UBE3D: variants seen among roughly 807,000 people sequenced by gnomAD.
The protein encoded by UBE3D is E3 ubiquitin-protein ligase E3D.
A neutral mutation model predicts 49.6 loss-of-function variants in UBE3D; 48 were observed. That is an observed-to-expected ratio of 0.97 (90% CI 0.77 to 1.23). The LOEUF is 1.23. Ranked by LOEUF, UBE3D falls within the 50% of genes most tolerant of loss-of-function variation. The pLI is 0.00. For synonymous variants in UBE3D, 189 were observed against 174.2 expected, an observed-to-expected ratio of 1.08 and a Z score of -0.67; for missense variants, 452 against 468.4, an observed-to-expected ratio of 0.96 and a Z score of 0.32.
chr6:82,971,053 T>C lies in UBE3D; in HGVS notation c.1011-13603A>G, dbSNP rs1777317663. On this transcript the variant is annotated intron_variant, in intron 8 of 9. Coordinates refer to ENST00000369747, the MANE Select transcript of UBE3D (RefSeq NM_198920.3). The stretch of plus-strand genomic sequence containing the variant: ...GTCTGGCTTCTTTCACTTAGCATAA[T>C]GTTTTCAAGATTTATGGACCCCTGA... Among the ~76,000 whole-genome samples the C allele has an allele frequency of 5.3e-5, 8 of 152,256 alleles. No individual in the cohort carries two copies. The South Asian group carries it at 1.7e-3, about 32-fold the overall frequency.
intron 1 of UBE3D, among the ~76,000 whole-genome samples, chr6:83,058,805 A>G (rs757475155): frequency 6.6e-6 from 1 of 152,162 alleles, no homozygotes; most frequent in Non-Finnish European, 1.5e-5. Context: ...TCTTATAGCT[A>G]CTTTCTGGCT....
intron 8 of UBE3D, among the ~76,000 whole-genome samples, chr6:82,975,479 G>C (rs1231169093): frequency 6.6e-6 from 1 of 152,134 alleles, no homozygotes; most frequent in South Asian, 2.1e-4. Context: ...TGTAGGCTAT[G>C]AGTATAAAAA....
At chr6:82,986,674 C>A (rs1778535286) in intron 8 of UBE3D, among the ~76,000 whole-genome samples, 1 of 147,508 alleles carries the variant, frequency 6.8e-6, no homozygotes, top group African/African-American at 2.5e-5. Flanking sequence ...ATGGATTATA[C>A]ATATATCTTT....
At chr6:83,033,179 T>C (rs1440869421) in intron 5 of UBE3D, among the ~76,000 whole-genome samples, 1 of 151,482 alleles carries the variant, frequency 6.6e-6, no homozygotes, top group Non-Finnish European at 1.5e-5. Flanking sequence ...AGGGGAGAGG[T>C]GTTACACACT....
chr6:83,018,948 A>T, intron 8 of UBE3D, 25 bp downstream of exon 8: 1 of 1,610,118 alleles, frequency 6.2e-7, no homozygotes, highest in Non-Finnish European at 8.5e-7. Flanking sequence ...ATAATGTGGA[A>T]AGAGAAAACA....
At chr6:83,059,556 C>T (rs1157509035) in intron 1 of UBE3D, among the ~76,000 whole-genome samples, 1 of 152,238 alleles carries the variant, frequency 6.6e-6, no homozygotes, top group Non-Finnish European at 1.5e-5. Flanking sequence ...GTAGAGTTGA[C>T]ACTTCCAAGT....
chr6:82,898,677 G>C (rs1041388859), intron 9 of UBE3D, among the ~76,000 whole-genome samples: 12 of 151,956 alleles, frequency 7.9e-5, no homozygotes, highest in Admixed American at 6.6e-4. Context: ...GGGTCTGTTG[G>C]GGGGTAGGGG....
At chr6:82,927,445 T>A (rs1305546355) in intron 9 of UBE3D, among the ~76,000 whole-genome samples, 1 of 151,998 alleles carries the variant, frequency 6.6e-6, no homozygotes, top group African/African-American at 2.4e-5. Flanking sequence ...GGGTTGGGAA[T>A]CTAGAGTTAG....
At chr6:83,017,107 C>T (rs1476185461) in intron 8 of UBE3D, 1 of 152,096 alleles carries the variant, frequency 6.6e-6, no homozygotes, top group African/African-American at 2.4e-5. Context: ...ACCATCACAG[C>T]AAATTAGAAT....
intron 8 of UBE3D, among the ~76,000 whole-genome samples, chr6:82,961,958 A>C (rs945097738): frequency 2.0e-5 from 3 of 148,034 alleles, no homozygotes; most frequent in African/African-American, 7.4e-5. Flanking sequence ...AAACAAAAAA[A>C]AAAACAAAAA....
chr6:82,931,851 G>T (rs141564543), intron 9 of UBE3D, among the ~76,000 whole-genome samples: 46 of 152,198 alleles, frequency 3.0e-4, no homozygotes, highest in African/African-American at 1.1e-3. Context: ...GGGAGGGGCC[G>T]GGGTGAAAAG....
chr6:82,974,657 C>T (rs1003976381), intron 8 of UBE3D, among the ~76,000 whole-genome samples: 73 of 151,600 alleles, frequency 4.8e-4, no homozygotes, highest in African/African-American at 1.7e-3. Flanking sequence ...CCTTGTGTGG[C>T]AGGGGGTAGG....
chr6:83,044,762 T>C (rs2027282), intron 3 of UBE3D, 103 bp from the exon 4 acceptor site: 728,970 of 954,854 alleles, frequency 0.76, 279,080 homozygotes, highest in East Asian at 0.91. Flanking sequence ...AACCACAAGG[T>C]TTGCAATGCT....
intron 5 of UBE3D, among the ~76,000 whole-genome samples, chr6:83,027,670 T>C (rs1385199437): frequency 6.6e-6 from 1 of 152,136 alleles, no homozygotes; most frequent in Non-Finnish European, 1.5e-5. Context: ...ATTTTTTCTT[T>C]AGCTGCATTT....
At chr6:82,922,781 C>T (rs1274718948) in intron 9 of UBE3D, among the ~76,000 whole-genome samples, 3 of 152,110 alleles carry the variant, frequency 2.0e-5, no homozygotes, top group African/African-American at 7.2e-5. Flanking sequence ...GAAGAGACAA[C>T]CTACAGAATG....
At chr6:82,926,377 T>C (rs1255806733) in intron 9 of UBE3D, among the ~76,000 whole-genome samples, 2 of 152,176 alleles carry the variant, frequency 1.3e-5, no homozygotes, top group African/African-American at 2.4e-5. Flanking sequence ...AAGAGACTGT[T>C]ACTTGCTTGC....
rs143079460 is a variant in UBE3D at position 83,065,371 on chromosome 6, T to A, written c.77+271A>T. 3.3e-5 allele frequency among the ~76,000 whole-genome samples: 5 copies of A among 152,296 alleles called. No homozygotes were observed. In the East Asian group the frequency reaches 9.7e-4, roughly 29 times the overall value. On this transcript the variant is annotated intron_variant, in intron 1 of 9. Transcript: ENST00000369747. ...ATGTGCATTTGATTCCTGGAAATCTTGTTAAAATATAAGTTTTGATTCCAT... is the reference window on the plus strand; with the variant it reads ...ATGTGCATTTGATTCCTGGAAATCTAGTTAAAATATAAGTTTTGATTCCAT...
At chr6:82,941,324 T>C (rs1774996569) in intron 9 of UBE3D, among the ~76,000 whole-genome samples, 1 of 151,474 alleles carries the variant, frequency 6.6e-6, no homozygotes, top group African/African-American at 2.4e-5. Flanking sequence ...TTATTTTATA[T>C]ATATAATTAG....
chr6:82,984,374 A>T (rs1024418444), intron 8 of UBE3D, among the ~76,000 whole-genome samples: 2 of 152,226 alleles, frequency 1.3e-5, no homozygotes, highest in African/African-American at 4.8e-5. Flanking sequence ...TAATAGTCGT[A>T]TGCATGTGTC....
Sources: allele counts gnomAD v4.1 joint callset (sites outside exome capture counted in the v4.1 genomes callset), GRCh38; gene constraint gnomAD v4.1.1; transcripts MANE v1.5; gene names NCBI Gene and HGNC (gene_info 2026-07-23, HGNC 2026-07-21).